RBMS3: variants seen among roughly 807,000 people sequenced by gnomAD.
RBMS3 encodes RNA-binding motif, single-stranded-interacting protein 3.
A neutral mutation model predicts 66.8 loss-of-function variants in RBMS3; 27 were observed. That is an observed-to-expected ratio of 0.40 (90% CI 0.30 to 0.56). The LOEUF (loss-of-function observed/expected upper bound fraction) is 0.56. Among genes scored for constraint, RBMS3 ranks in the 20% least tolerant of loss-of-function variants. The pLI is 0.40. For synonymous variants in RBMS3, 188 were observed against 183.0 expected, an observed-to-expected ratio of 1.03 and a Z score of -0.22; for missense variants, 513 against 549.5, an observed-to-expected ratio of 0.93 and a Z score of 0.66.
intron 1 of RBMS3, among the ~76,000 whole-genome samples, chr3:29,307,034 C>T (rs368103052): frequency 9.9e-5 from 15 of 151,776 alleles, no homozygotes; most frequent in South Asian, 4.2e-4. Flanking sequence ...TAAAAGAAAA[C>T]GCACTGTTTT....
chr3:29,845,947 G>A (rs9867033), intron 6 of RBMS3, among the ~76,000 whole-genome samples: 2,200 of 152,172 alleles, frequency 0.014, 48 homozygotes, highest in African/African-American at 0.049. Context: ...AAGTGCAAAG[G>A]TTCCAAAGCA....
chr3:29,558,414 A>C (rs974059226), intron 3 of RBMS3, among the ~76,000 whole-genome samples: 1 of 152,250 alleles, frequency 6.6e-6, no homozygotes, highest in East Asian at 1.9e-4. Flanking sequence ...AAGGACAATT[A>C]GACATATATC....
At chr3:29,689,673 C>G (rs1400592173) in intron 4 of RBMS3, among the ~76,000 whole-genome samples, 1 of 151,874 alleles carries the variant, frequency 6.6e-6, no homozygotes, top group Non-Finnish European at 1.5e-5. Flanking sequence ...TAAGGAAGCA[C>G]TATGCAAATT....
At chr3:29,804,919 A>G (rs2057496624) in intron 6 of RBMS3, among the ~76,000 whole-genome samples, 1 of 113,536 alleles carries the variant, frequency 8.8e-6, no homozygotes, top group African/African-American at 3.5e-5. Flanking sequence ...ATCTGCGTGT[A>G]CGTGTGTGTG....
At chr3:29,649,778 G>A (rs2050075693) in intron 4 of RBMS3, among the ~76,000 whole-genome samples, 1 of 152,156 alleles carries the variant, frequency 6.6e-6, no homozygotes, top group East Asian at 1.9e-4. Context: ...TATCTTTTAT[G>A]TATATGCATA....
intron 1 of RBMS3, among the ~76,000 whole-genome samples, chr3:29,397,613 T>G (rs2039612084): frequency 1.3e-5 from 2 of 152,016 alleles, no homozygotes; most frequent in Non-Finnish European, 1.5e-5. Context: ...GTCCCAAAAC[T>G]CTTCCCCCTC....
At chr3:29,347,788 C>T (rs1235876924) in intron 1 of RBMS3, among the ~76,000 whole-genome samples, 1 of 152,240 alleles carries the variant, frequency 6.6e-6, no homozygotes, top group East Asian at 1.9e-4. Flanking sequence ...TGGCAGCACC[C>T]TTAAGAGGGA....
At chr3:29,964,069 T>C (rs1696662764) in intron 12 of RBMS3, among the ~76,000 whole-genome samples, 1 of 152,132 alleles carries the variant, frequency 6.6e-6, no homozygotes, top group Non-Finnish European at 1.5e-5. Context: ...AAAATATGGA[T>C]TAAAAGGAAT....
intron 3 of RBMS3, among the ~76,000 whole-genome samples, chr3:29,495,418 T>C (rs143734927): frequency 8.7e-6 from 1 of 115,192 alleles, no homozygotes. Context: ...TATTTCTTTC[T>C]TTTTTTTTTT....
At chr3:29,479,135 A>T (rs2043048000) in intron 2 of RBMS3, among the ~76,000 whole-genome samples, 2 of 152,190 alleles carry the variant, frequency 1.3e-5, no homozygotes, top group Non-Finnish European at 2.9e-5. Context: ...GCATGAACTT[A>T]GTCAAGTAAC....
intron 1 of RBMS3, 119 bp from the exon 2 acceptor site, chr3:29,434,624 T>C (rs964620419): frequency 1.5e-6 from 2 of 1,314,390 alleles, no homozygotes; most frequent in African/African-American, 3.0e-5. Flanking sequence ...AATGTGTGTG[T>C]GTATGTACGT....
At chr3:29,647,685 T>C (rs1242099153) in intron 4 of RBMS3, among the ~76,000 whole-genome samples, 5 of 152,166 alleles carry the variant, frequency 3.3e-5, no homozygotes, top group Non-Finnish European at 4.4e-5. Context: ...CCATCTTAAA[T>C]ACATGTGTAG....
chr3:29,558,410 A>G (rs1474127951), intron 3 of RBMS3, among the ~76,000 whole-genome samples: 7 of 152,252 alleles, frequency 4.6e-5, no homozygotes, highest in Non-Finnish European at 1.0e-4. Context: ...TTTAAAGGAC[A>G]ATTAGACATA....
At chr3:29,307,693 A>G (rs1447166281) in intron 1 of RBMS3, among the ~76,000 whole-genome samples, 1 of 151,896 alleles carries the variant, frequency 6.6e-6, no homozygotes, top group African/African-American at 2.4e-5. Flanking sequence ...AAAAAATAAA[A>G]GAAAAACATG....
chr3:29,820,295 A>G (rs1445485387), intron 6 of RBMS3, among the ~76,000 whole-genome samples: 3 of 149,410 alleles, frequency 2.0e-5, no homozygotes, highest in Admixed American at 6.8e-5. Context: ...ATTTAACTGA[A>G]ATGTTGCCAA....
chr3:29,562,006 C>A (rs956496727), intron 3 of RBMS3, among the ~76,000 whole-genome samples: 2 of 151,960 alleles, frequency 1.3e-5, no homozygotes, highest in African/African-American at 4.8e-5. Context: ...ATGAGAAACA[C>A]AGTGTAGTAT....
At chr3:29,672,475 A>G (rs1429424282) in intron 4 of RBMS3, among the ~76,000 whole-genome samples, 2 of 152,230 alleles carry the variant, frequency 1.3e-5, no homozygotes, top group African/African-American at 2.4e-5. Context: ...TGCTCCAATT[A>G]AAAGACACAG....
chr3:29,692,681 C>A (rs756432219), intron 4 of RBMS3, among the ~76,000 whole-genome samples: 1 of 152,126 alleles, frequency 6.6e-6, no homozygotes, highest in Non-Finnish European at 1.5e-5. Context: ...TGATCCATAG[C>A]GATTGCAAAG....
intron 6 of RBMS3, among the ~76,000 whole-genome samples, chr3:29,788,351 G>A (rs62237100): frequency 0.25 from 38,234 of 151,920 alleles, 5,253 homozygotes; most frequent in Non-Finnish European, 0.31. Flanking sequence ...CCACCCTCTC[G>A]AGTAGCTGGT....
Sources: allele counts gnomAD v4.1 joint callset (sites outside exome capture counted in the v4.1 genomes callset), GRCh38; gene constraint gnomAD v4.1.1; transcripts MANE v1.5; gene names NCBI Gene and HGNC (gene_info 2026-07-23, HGNC 2026-07-21).